Variants in PLIN1 observed in about 807,000 individuals in gnomAD.
PLIN1 encodes perilipin 1, also known as perilipin-1.
PLIN1 carries 37 observed loss-of-function variants against 45.8 expected under a neutral mutation model. The ratio of observed to expected loss-of-function variants is 0.81; its 90% CI spans 0.62 to 1.06. The LOEUF is 1.06. Ranked by LOEUF, PLIN1 falls within the 50% of genes least tolerant of loss-of-function variation. PLIN1 has a pLI of 0.00. For missense variants in PLIN1, 776 were observed against 716.5 expected (o/e 1.08, Z -0.95); for synonymous variants, 340 against 309.2 (o/e 1.10, Z -1.05).
At chr15:89,671,734 A>C (rs760903628) in intron 3 of PLIN1, among the ~76,000 whole-genome samples, 170 bp from the exon 4 acceptor site, 2 of 151,462 alleles carry the variant, frequency 1.3e-5, no homozygotes, top group Non-Finnish European at 2.9e-5. Flanking sequence ...GTCTGCAGGG[A>C]CTCCTCAAGA....
At chr15:89,670,998 C>T (rs1172545377) in intron 4 of PLIN1, among the ~76,000 whole-genome samples, 1 of 152,120 alleles carries the variant, frequency 6.6e-6, no homozygotes, top group Non-Finnish European at 1.5e-5. Context: ...TCCCCAGAAG[C>T]ACCAAAAATG....
At chr15:89,669,425 G>T in intron 6 of PLIN1, 75 bp downstream of exon 6, 1 of 1,197,282 alleles carries the variant, frequency 8.4e-7, no homozygotes, top group Non-Finnish European at 1.2e-6. Flanking sequence ...GGTGATGGGT[G>T]GGGGATGGGA....
At position 89,665,648 on chromosome 15, in the gene PLIN1, G is replaced by T. The variant is rs1187756943; in HGVS notation, c.1504C>A (p.Arg502=). The T allele has an allele frequency of 2.7e-6, 4 of 1,503,266 alleles. No individual in the cohort carries two copies. Among genetic ancestry groups the T allele is most frequent in the South Asian group, 2.5e-5 (2 of 80,546 alleles). 93.1% of individuals were successfully genotyped at this position (1,503,266 alleles called of 1,614,324 possible). A position where few individuals can be genotyped will look rare whatever the true frequency, so the allele number is the denominator to read the frequency against. The change falls in exon 9 of 9, where the codon CGG becomes AGG. Residue 502 remains arginine (R), a synonymous_variant. Coordinates refer to ENST00000300055, the MANE Select transcript of PLIN1 (RefSeq NM_002666.5). ...PKRRVSDSFF[R]PSVMEPILGR... is the part of the protein sequence containing the mutation. ...AGGATGGGCTCCATGACGCTGGGCC[G>T]GAAGAAGCTGTCGCTGACCCTGCGC...
rs372783611 is a variant in PLIN1 at position 89,665,411 on chromosome 15, A to T, written c.*172T>A. On this transcript the variant is annotated 3_prime_UTR_variant, in exon 9 of 9. Transcript: ENST00000300055. ...TGAAGCCCCAAAAGGATGCTAAAAAAAAAATAAAAATAAAATAAAAATAAA... is the reference window on the plus strand; with the variant it reads ...TGAAGCCCCAAAAGGATGCTAAAAATAAAATAAAAATAAAATAAAAATAAA... 223 of 483,352 alleles carry T rather than the reference A, an allele frequency of 4.6e-4. No homozygotes were observed. Among genetic ancestry groups the T allele is most frequent in the African/African-American group, 3.5e-3 (177 of 49,970 alleles). 29.9% of individuals were successfully genotyped at this position (483,352 alleles called of 1,614,324 possible).
intron 2 of PLIN1, among the ~76,000 whole-genome samples, chr15:89,676,462 T>A (rs1162038488): frequency 6.6e-6 from 1 of 152,190 alleles, no homozygotes; most frequent in Non-Finnish European, 1.5e-5. Context: ...TTAGCCAGGA[T>A]GGTCTTGATC....
At chr15:89,673,081 TG>T in intron 3 of PLIN1, 128 bp downstream of exon 3, 1 of 723,442 alleles carries the variant, frequency 1.4e-6, no homozygotes, top group Non-Finnish European at 2.4e-6. Context: ...GACCATGCAA[TG>T]GGATGTGGGC....
At chr15:89,676,260 G>GT (rs1445148441) in intron 2 of PLIN1, among the ~76,000 whole-genome samples, 1 of 151,318 alleles carries the variant, frequency 6.6e-6, no homozygotes, top group East Asian at 1.9e-4. Context: ...TTGTTTGTTT[G>GT]TTTTTTTGAG....
At chr15:89,676,441 G>GA (rs1964517937) in intron 2 of PLIN1, among the ~76,000 whole-genome samples, 1 of 152,086 alleles carries the variant, frequency 6.6e-6, no homozygotes, top group Admixed American at 6.5e-5. Context: ...TAGAGATGGG[G>GA]TTTCACTGTG....
chr15:89,677,625 C>CA (rs1734480780), intron 1 of PLIN1, 122 bp from the exon 2 acceptor site: 1 of 812,190 alleles, frequency 1.2e-6, no homozygotes, highest in African/African-American at 1.7e-5. Flanking sequence ...TTGCCCTGAA[C>CA]AGAAGGCATT....
rs537206746 is a variant in PLIN1, at chr15:89,670,033, C to G, written c.545G>C (p.Gly182Ala). 5 of 1,613,854 alleles carry G rather than the reference C, an allele frequency of 3.1e-6. No homozygotes were observed. The South Asian group carries it at 5.5e-5, about 18-fold the overall frequency. ...GTACTCCACCACCTTCTCAATGCTG[C>G]CCAAGGCCAAGTCGGCCCCTCCAGA... ...LASGGADLAL[G>A]SIEKVVEYLL... is the part of the protein sequence containing the mutation. The change falls in exon 5 of 9, where the codon GGC becomes GCC. Residue 182 changes from glycine to alanine, a missense_variant. Coordinates refer to ENST00000300055, the MANE Select transcript of PLIN1 (RefSeq NM_002666.5).
Position 89,669,995 on chromosome 15 carries a change from C to G in PLIN1, c.583G>C (p.Asp195His). 6.2e-7 allele frequency: 1 copy of G among 1,612,170 alleles called. No individual in the cohort carries two copies. Among genetic ancestry groups the G allele is most frequent in the South Asian group, 1.1e-5 (1 of 90,798 alleles). ...EKVVEYLLPP[D>H]KEESAPAPGH... Reference sequence around the variant, plus strand: ...TGGCAGGTACCTGACTCTTCCTTGTCTGGAGGGAGGAGGTACTCCACCACC... The same window carrying G: ...TGGCAGGTACCTGACTCTTCCTTGTGTGGAGGGAGGAGGTACTCCACCACC... Residue 195 changes from aspartate to histidine, a missense_variant, in exon 5 of 9, where the codon GAC becomes CAC. Asp to His is a moderately conservative substitution (Grantham distance 81). Transcript: ENST00000300055.
At chr15:89,669,174 GA>G (rs1273759579) in intron 6 of PLIN1, among the ~76,000 whole-genome samples, 1 of 152,080 alleles carries the variant, frequency 6.6e-6, no homozygotes, top group Admixed American at 6.5e-5. Flanking sequence ...AAGACCCATA[GA>G]AAGAGGTCCA....
chr15:89,677,283 A>G, intron 2 of PLIN1, 162 bp downstream of exon 2: 1 of 728,746 alleles, frequency 1.4e-6, no homozygotes, highest in South Asian at 1.5e-5. Flanking sequence ...ACTGCCCCCT[A>G]CAAAAGGTGG....
chr15:89,665,687 G>C lies in PLIN1; in HGVS notation c.1465C>G (p.Arg489Gly). 1 of 1,477,890 alleles carries C rather than the reference G, an allele frequency of 6.8e-7. No homozygotes were observed. The allele number at this position is 1,477,890 out of a possible 1,614,324, so 91.5% of individuals were successfully genotyped here. A position where few individuals can be genotyped will look rare whatever the true frequency, so the allele number is the denominator to read the frequency against. Residue 489 changes from arginine to glycine, a missense_variant, in exon 9 of 9, where the codon CGC (arginine) becomes GGC (glycine). By Grantham distance (125) the Arg-to-Gly change is moderately radical. Transcript: ENST00000300055. ...APRPGFPAVPREKPKRRVSDS... is the reference protein window; with the variant it reads ...APRPGFPAVPGEKPKRRVSDS... The stretch of plus-strand genomic sequence containing the variant: ...CTGACCCTGCGCTTTGGCTTCTCGC[G>C]GGGCACGGCCGGGAAGCCCGGGCGC...
In PLIN1 at chr15:89,673,266, G is replaced by A; in HGVS notation, c.194C>T (p.Ala65Val). ...CATGCTCCAGGCAGCCAAGCTACTG[G>A]CGCTCTGCACGCCCTTCTCATAGGC... ...CNAYEKGVQS[A>V]SSLAAWSMEP... The change falls in exon 3 of 9, where the codon GCC becomes GTC. Residue 65 changes from alanine (A) to valine (V), a missense_variant. Transcript: ENST00000300055. 6.3e-7 allele frequency: 1 copy of A among 1,581,032 alleles called. No individual in the cohort carries two copies. Among genetic ancestry groups the A allele is most frequent in the African/African-American group, 1.3e-5 (1 of 74,262 alleles).
intron 2 of PLIN1, among the ~76,000 whole-genome samples, chr15:89,673,822 G>A (rs989659207): frequency 1.3e-5 from 2 of 152,108 alleles, no homozygotes; most frequent in Admixed American, 6.5e-5. Context: ...TCTTTCTGGG[G>A]TACTGCCTCC....
intron 4 of PLIN1, among the ~76,000 whole-genome samples, 170 bp downstream of exon 4, chr15:89,671,312 A>C (rs1596041521): frequency 6.6e-6 from 1 of 152,202 alleles, no homozygotes; most frequent in African/African-American, 2.4e-5. Flanking sequence ...CACAGGGAGA[A>C]GAGGAGCCTG....
At position 89,671,440 on chromosome 15, in the gene PLIN1, C is replaced by T. The variant is rs17847340; in HGVS notation, c.333+42G>A. 185 of 1,370,868 alleles carry T rather than the reference C, an allele frequency of 1.3e-4. 1 individual carries two copies. The East Asian group carries it at 3.4e-3, about 25-fold the overall frequency. The allele number at this position is 1,370,868 out of a possible 1,614,324, so 84.9% of individuals were successfully genotyped here. A position where few individuals can be genotyped will look rare whatever the true frequency, so the allele number is the denominator to read the frequency against. ...CCCTCTCCTCCCTGAGAGGCGGTGACGACAGAGTGCAGGGAGGCTTCGAGA... is the reference window on the plus strand; with the variant it reads ...CCCTCTCCTCCCTGAGAGGCGGTGATGACAGAGTGCAGGGAGGCTTCGAGA... On this transcript the variant is annotated intron_variant, in intron 4 of 8. Coordinates refer to ENST00000300055, the MANE Select transcript of PLIN1 (RefSeq NM_002666.5).
At chr15:89,677,186 C>A (rs1277394583) in intron 2 of PLIN1, 5 of 556,290 alleles carry the variant, frequency 9.0e-6, no homozygotes, top group Admixed American at 3.1e-5. Flanking sequence ...CTCCACTCCC[C>A]CCGTCCCTAA....
Sources: allele counts gnomAD v4.1 joint callset (sites outside exome capture counted in the v4.1 genomes callset), GRCh38; gene constraint gnomAD v4.1.1; transcripts MANE v1.5; gene names NCBI Gene and HGNC (gene_info 2026-07-23, HGNC 2026-07-21).